Variants in TAFA1 observed in about 807,000 individuals in gnomAD.
The protein encoded by TAFA1 is TAFA chemokine like family member 1, also known as chemokine-like protein TAFA-1.
A neutral mutation model predicts 18.5 loss-of-function variants in TAFA1; 4 were observed. That is an observed-to-expected ratio of 0.22 (90% CI 0.11 to 0.49). The LOEUF (loss-of-function observed/expected upper bound fraction) is 0.49. TAFA1 is among the 20% of genes least tolerant of loss of function. The probability of loss-of-function intolerance (pLI) is 0.98; values close to 1 mark genes in which losing one functional copy is unlikely to be tolerated. For missense variants in TAFA1, 147 were observed against 169.0 expected (o/e 0.87, Z 0.72); for synonymous variants, 56 against 55.2 (o/e 1.01, Z -0.06).
chr3:68,231,828 C>T (rs2066875912), intron 2 of TAFA1, among the ~76,000 whole-genome samples: 2 of 152,138 alleles, frequency 1.3e-5, no homozygotes, highest in Admixed American at 6.5e-5. Context: ...GTTCCTCGTG[C>T]CCTTTTGCAA....
At chr3:68,443,239 A>G (rs1415857586) in intron 3 of TAFA1, among the ~76,000 whole-genome samples, 1 of 152,066 alleles carries the variant, frequency 6.6e-6, no homozygotes, top group African/African-American at 2.4e-5. Flanking sequence ...CCTTCCTCTA[A>G]GAAGCACAAG....
intron 2 of TAFA1, among the ~76,000 whole-genome samples, chr3:68,120,960 A>T (rs1294670603): frequency 6.6e-6 from 1 of 152,220 alleles, no homozygotes; most frequent in East Asian, 1.9e-4. Flanking sequence ...AGACCATTTA[A>T]GAACTTCATA....
intron 3 of TAFA1, among the ~76,000 whole-genome samples, chr3:68,526,144 C>T (rs1360838278): frequency 3.3e-5 from 5 of 152,162 alleles, no homozygotes; most frequent in African/African-American, 7.2e-5. Context: ...AGAGGTTTTG[C>T]ATGCTCTGTA....
chr3:68,130,278 A>C (rs2065520835), intron 2 of TAFA1, among the ~76,000 whole-genome samples: 1 of 152,200 alleles, frequency 6.6e-6, no homozygotes, highest in Non-Finnish European at 1.5e-5. Flanking sequence ...TAACTTTTTA[A>C]TTATTTAATT....
chr3:68,225,690 T>C (rs2066790108), intron 2 of TAFA1, among the ~76,000 whole-genome samples: 1 of 152,190 alleles, frequency 6.6e-6, no homozygotes, highest in South Asian at 2.1e-4. Flanking sequence ...TATTATTTAC[T>C]TATTATAAAA....
intron 2 of TAFA1, among the ~76,000 whole-genome samples, chr3:68,129,666 T>A (rs2065513841): frequency 6.6e-6 from 1 of 152,200 alleles, no homozygotes; most frequent in African/African-American, 2.4e-5. Context: ...ATGTATATAT[T>A]TTTTCCTTGA....
At chr3:68,131,221 G>A (rs2065532391) in intron 2 of TAFA1, among the ~76,000 whole-genome samples, 1 of 152,064 alleles carries the variant, frequency 6.6e-6, no homozygotes, top group South Asian at 2.1e-4. Context: ...ACTTATCAGT[G>A]ACTCTATTAT....
chr3:68,173,634 T>C (rs1454856376), intron 2 of TAFA1, among the ~76,000 whole-genome samples: 1 of 152,208 alleles, frequency 6.6e-6, no homozygotes, highest in Non-Finnish European at 1.5e-5. Context: ...AGTACATTTA[T>C]AGAATGGGGC....
chr3:68,382,762 A>G (rs2070002249), intron 2 of TAFA1, among the ~76,000 whole-genome samples: 1 of 152,150 alleles, frequency 6.6e-6, no homozygotes, highest in African/African-American at 2.4e-5. Context: ...TGGTAGTTTA[A>G]TAGAAATAGC....
chr3:68,467,551 G>T (rs947805337), intron 3 of TAFA1, among the ~76,000 whole-genome samples: 2 of 152,190 alleles, frequency 1.3e-5, no homozygotes, highest in Admixed American at 6.5e-5. Context: ...CTGCAAGGGG[G>T]TCTTGGACTC....
chr3:68,058,901 G>C (rs1002201895), intron 2 of TAFA1, among the ~76,000 whole-genome samples: 12 of 152,122 alleles, frequency 7.9e-5, no homozygotes, highest in African/African-American at 2.7e-4. Flanking sequence ...GGCAAAAAAG[G>C]GTTGTAAATT....
chr3:68,358,829 A>G (rs907195317), intron 2 of TAFA1, among the ~76,000 whole-genome samples: 33 of 151,970 alleles, frequency 2.2e-4, no homozygotes, highest in Non-Finnish European at 2.4e-4. Flanking sequence ...TAATCCTTCT[A>G]TGACCATTTT....
chr3:68,409,941 T>A (rs1235607356), intron 2 of TAFA1, among the ~76,000 whole-genome samples: 1 of 152,160 alleles, frequency 6.6e-6, no homozygotes, highest in Non-Finnish European at 1.5e-5. Flanking sequence ...TTGTCACCAG[T>A]GGGGACCCTT....
intron 2 of TAFA1, among the ~76,000 whole-genome samples, chr3:68,190,007 T>C (rs1278996977): frequency 6.6e-6 from 1 of 151,914 alleles, no homozygotes; most frequent in Non-Finnish European, 1.5e-5. Flanking sequence ...TCATAGATAT[T>C]TATATCAAGC....
At chr3:68,408,279 C>G (rs1405843208) in intron 2 of TAFA1, among the ~76,000 whole-genome samples, 1 of 152,062 alleles carries the variant, frequency 6.6e-6, no homozygotes, top group African/African-American at 2.4e-5. Flanking sequence ...TATATCCTGG[C>G]CTATTAATGA....
chr3:68,422,731 G>T (rs1276944896), intron 3 of TAFA1, among the ~76,000 whole-genome samples: 2 of 151,938 alleles, frequency 1.3e-5, no homozygotes, highest in African/African-American at 4.8e-5. Context: ...TTACACACTT[G>T]CCAAATTAAG....
At chr3:68,475,141 T>G (rs2072067267) in intron 3 of TAFA1, among the ~76,000 whole-genome samples, 1 of 144,852 alleles carries the variant, frequency 6.9e-6, no homozygotes, top group Non-Finnish European at 1.5e-5. Context: ...TGGCTTCTAT[T>G]TTTTTTTAAT....
rs2073443755 is a variant in TAFA1, at chr3:68,545,458, G to A, written c.*955G>A. On this transcript the variant is annotated 3_prime_UTR_variant, in exon 5 of 5. Coordinates refer to ENST00000478136, the MANE Select transcript of TAFA1 (RefSeq NM_213609.4). ...TAACTACATAGTGCTGTAGCAACAA[G>A]TCTTATCATGGCATCTCTTTCTATG... 6.6e-6 allele frequency: 1 copy of A among 152,582 alleles called. No individual in the cohort carries two copies. Among genetic ancestry groups the A allele is most frequent in the Admixed American group, 6.6e-5 (1 of 15,246 alleles). The allele number at this position is 152,582 out of a possible 1,614,324, so 9.5% of individuals were successfully genotyped here.
intron 2 of TAFA1, among the ~76,000 whole-genome samples, chr3:68,013,024 C>CT (rs1300845286): frequency 2.6e-5 from 4 of 151,330 alleles, no homozygotes; most frequent in South Asian, 2.1e-4. Flanking sequence ...TTTCCAGACA[C>CT]TTTTTTTTTC....
Sources: gnomAD v4.1 joint callset for allele counts (sites outside exome capture counted in the v4.1 genomes callset) on GRCh38, gnomAD v4.1.1 for gene constraint, MANE v1.5 for transcripts, NCBI Gene and HGNC (gene_info 2026-07-23, HGNC 2026-07-21) for gene names.